PHTF2: variants seen among roughly 807,000 people sequenced by gnomAD.
PHTF2 encodes protein PHTF2.
In PHTF2, 60 loss-of-function variants were observed where a neutral mutation model predicts 101.2. That is an observed-to-expected ratio of 0.59 (90% CI 0.48 to 0.73). The LOEUF is 0.73. Among genes scored for constraint, PHTF2 ranks in the 30% least tolerant of loss-of-function variants. The probability of loss-of-function intolerance (pLI) is 0.00; values close to 1 mark genes in which losing one functional copy is unlikely to be tolerated. For missense variants in PHTF2, 747 were observed against 908.7 expected, an observed-to-expected ratio of 0.82 and a Z score of 2.29; for synonymous variants, 311 against 307.3, an observed-to-expected ratio of 1.01 and a Z score of -0.13.
intron 16 of PHTF2, among the ~76,000 whole-genome samples, chr7:77,943,979 G>A (rs770567731): frequency 1.3e-5 from 2 of 151,970 alleles, no homozygotes; most frequent in African/African-American, 4.8e-5. Flanking sequence ...TCCAGCCTGG[G>A]GGATACAGCA....
chr7:77,915,642 A>G (rs1489913142), intron 9 of PHTF2, among the ~76,000 whole-genome samples: 1 of 152,178 alleles, frequency 6.6e-6, no homozygotes, highest in Non-Finnish European at 1.5e-5. Flanking sequence ...TTTATTCTTC[A>G]TAACACTGCA....
chr7:77,938,709 G>A (rs945281669), intron 13 of PHTF2, among the ~76,000 whole-genome samples: 25 of 152,276 alleles, frequency 1.6e-4, no homozygotes, highest in African/African-American at 5.3e-4. Context: ...CCTGGGAGGC[G>A]GAGCTTGCAG....
chr7:77,876,764 G>A (rs1024364568), intron 3 of PHTF2, among the ~76,000 whole-genome samples: 2 of 152,112 alleles, frequency 1.3e-5, no homozygotes, highest in Non-Finnish European at 2.9e-5. Flanking sequence ...AAATTATCCA[G>A]GCATGGTGGT....
At chr7:77,905,817 G>T (rs1057410708) in intron 7 of PHTF2, among the ~76,000 whole-genome samples, 7 of 152,048 alleles carry the variant, frequency 4.6e-5, no homozygotes, top group African/African-American at 1.4e-4. Context: ...AGTTCCCCTT[G>T]CCCAGTACGT....
intron 3 of PHTF2, among the ~76,000 whole-genome samples, chr7:77,887,708 A>C (rs940361314): frequency 6.6e-6 from 1 of 152,234 alleles, no homozygotes. Flanking sequence ...CCAAAGATAC[A>C]GGATGAGTTT....
chr7:77,922,388 A>G (rs571161584), intron 10 of PHTF2, among the ~76,000 whole-genome samples: 1 of 152,238 alleles, frequency 6.6e-6, no homozygotes, highest in South Asian at 2.1e-4. Context: ...ACAGGATAAT[A>G]TTTGACAAAT....
intron 9 of PHTF2, among the ~76,000 whole-genome samples, chr7:77,913,964 G>A (rs1374952163): frequency 2.0e-5 from 3 of 151,550 alleles, no homozygotes; most frequent in African/African-American, 7.3e-5. Context: ...TACTTGAGAG[G>A]CTGAGGCAGG....
Position 77,799,723 on chromosome 7 carries a change from CA to C in PHTF2, c.-36+753del, listed in dbSNP as rs374915089. Among the ~76,000 whole-genome samples the C allele has an allele frequency of 3.5e-4, 54 of 152,300 alleles. No individual in the cohort carries two copies. The East Asian group carries it at 8.5e-3, about 24-fold the overall frequency. ...TGTGTAACTTCAGGGATCATTCTGT[CA>C]CTAATCTGTCACCCTTCTTATTTTT... On this transcript the variant is annotated intron_variant, in intron 1 of 19. Coordinates refer to ENST00000416283, the Ensembl canonical transcript of PHTF2.
At chr7:77,832,215 C>G (rs1425561594) in intron 1 of PHTF2, among the ~76,000 whole-genome samples, 2 of 152,078 alleles carry the variant, frequency 1.3e-5, no homozygotes, top group African/African-American at 4.8e-5. Context: ...CATTCAAAGC[C>G]AAACTGGAAT....
intron 3 of PHTF2, among the ~76,000 whole-genome samples, chr7:77,869,900 A>G (rs1798381098): frequency 6.6e-6 from 1 of 152,104 alleles, no homozygotes; most frequent in Admixed American, 6.6e-5. Flanking sequence ...TTTGAGAAAT[A>G]TCTATGGCGA....
chr7:77,938,904 A>T (rs1037037497), intron 13 of PHTF2, among the ~76,000 whole-genome samples: 2 of 152,252 alleles, frequency 1.3e-5, no homozygotes, highest in African/African-American at 4.8e-5. Context: ...ACTTTGTGTA[A>T]GACAGGAATT....
At position 77,947,140 on chromosome 7, in the gene PHTF2, A is replaced by G. The variant is rs559604498; in HGVS notation, c.1960-2538A>G. Among the ~76,000 whole-genome samples, 5 of 133,746 alleles carry G rather than the reference A, an allele frequency of 3.7e-5. No homozygotes were observed. The South Asian group carries it at 1.3e-3, about 34-fold the overall frequency. 87.7% of individuals were successfully genotyped at this position (133,746 alleles called of 152,430 possible). A position where few individuals can be genotyped will look rare whatever the true frequency, so the allele number is the denominator to read the frequency against. ...CTGTCTTTAAAAACAACAACAACAA[A>G]CGCATATGTTATTTTCAATAGCAAC... On this transcript the variant is annotated intron_variant, in intron 16 of 19. Transcript: ENST00000416283.
At chr7:77,910,958 G>C (rs1477523732) in intron 9 of PHTF2, among the ~76,000 whole-genome samples, 1 of 152,140 alleles carries the variant, frequency 6.6e-6, no homozygotes, top group Admixed American at 6.5e-5. Flanking sequence ...TATTTTACTT[G>C]TGTTAATTGG....
At chr7:77,957,055 GA>G (rs1160445830) in exon 20 of PHTF2, 3 of 152,132 alleles carry the variant, frequency 2.0e-5, no homozygotes, top group Non-Finnish European at 4.4e-5. Context: ...CTGCCTTTAA[GA>G]ATACCATGAA....
intron 15 of PHTF2, among the ~76,000 whole-genome samples, chr7:77,941,502 C>A (rs559363610): frequency 6.6e-6 from 1 of 152,254 alleles, no homozygotes; most frequent in Non-Finnish European, 1.5e-5. Context: ...TCCGTAAACA[C>A]TTATTTATGT....
exon 13 of PHTF2, chr7:77,937,795 C>A: frequency 6.5e-7 from 1 of 1,546,970 alleles, no homozygotes; most frequent in Non-Finnish European, 8.8e-7. Context: ...TGTAAGAAAG[C>A]AGACATGTCT....
At chr7:77,886,916 T>A (rs1799904126) in intron 3 of PHTF2, among the ~76,000 whole-genome samples, 1 of 151,676 alleles carries the variant, frequency 6.6e-6, no homozygotes, top group Non-Finnish European at 1.5e-5. Flanking sequence ...AAGGTGGGGG[T>A]GCACCTGTGG....
intron 1 of PHTF2, among the ~76,000 whole-genome samples, chr7:77,818,812 A>G (rs1048071225): frequency 6.6e-6 from 1 of 152,240 alleles, no homozygotes; most frequent in Admixed American, 6.5e-5. Flanking sequence ...TGACATGTGC[A>G]TTGACTCTGT....
intron 12 of PHTF2, among the ~76,000 whole-genome samples, chr7:77,934,004 ACTTGAT>A (rs1233447659): frequency 6.6e-6 from 1 of 152,154 alleles, no homozygotes; most frequent in Non-Finnish European, 1.5e-5. Context: ...TAGATTAAAG[ACTTGAT>A]CTTAAACAGA....
Sources: gnomAD v4.1 joint callset for allele counts (sites outside exome capture counted in the v4.1 genomes callset) on GRCh38, gnomAD v4.1.1 for gene constraint, MANE v1.5 for transcripts, NCBI Gene and HGNC (gene_info 2026-07-23, HGNC 2026-07-21) for gene names.